Variants in TPST2 observed in about 807,000 individuals in gnomAD.
TPST2 encodes tyrosylprotein sulfotransferase 2.
TPST2 carries 16 observed loss-of-function variants against 27.8 expected under a neutral mutation model. The ratio of observed to expected loss-of-function variants is 0.58; its 90% CI spans 0.39 to 0.88. The LOEUF is 0.88. TPST2 is among the 40% of genes least tolerant of loss of function. TPST2 has a pLI of 0.00. For synonymous variants in TPST2, 229 were observed against 231.7 expected (o/e 0.99, Z 0.10); for missense variants, 464 against 543.1 (o/e 0.85, Z 1.45).
At chr22:26,577,257 C>T (rs1490754140) in intron 1 of TPST2, among the ~76,000 whole-genome samples, 1 of 141,126 alleles carries the variant, frequency 7.1e-6, no homozygotes, top group East Asian at 2.1e-4. Context: ...AGGGCAAAAC[C>T]CTGTCTTTAA....
chr22:26,542,338 G>A (rs527952993), intron 2 of TPST2, among the ~76,000 whole-genome samples: 14 of 151,076 alleles, frequency 9.3e-5, no homozygotes, highest in African/African-American at 2.7e-4. Context: ...CTCTGCCTCA[G>A]CCTCCCAAGT....
intron 1 of TPST2, among the ~76,000 whole-genome samples, chr22:26,570,055 G>T (rs1174267664): frequency 2.1e-5 from 3 of 145,490 alleles, no homozygotes; most frequent in South Asian, 2.2e-4. Flanking sequence ...CAGAAAGAAA[G>T]AAAGAAAGAA....
In TPST2 at chr22:26,540,707, G is replaced by A. The variant is rs893033775; in HGVS notation, c.842+82C>T. On this transcript the variant is annotated intron_variant, in intron 3 of 6. Transcript: ENST00000338754. ...ACTTGCCCAAGGCCACACAGCTCAA[G>A]AAAGGCAGTGCTGATTTTCTTGCCT... 7.4e-6 allele frequency: 10 copies of A among 1,358,212 alleles called. No individual in the cohort carries two copies. The African/African-American group carries it at 1.0e-4, about 14-fold the overall frequency. The allele number at this position is 1,358,212 out of a possible 1,614,324, so 84.1% of individuals were successfully genotyped here. A position where few individuals can be genotyped will look rare whatever the true frequency, so the allele number is the denominator to read the frequency against.
chr22:26,546,009 C>T (rs886338238), intron 1 of TPST2, among the ~76,000 whole-genome samples: 1 of 148,544 alleles, frequency 6.7e-6, no homozygotes, highest in African/African-American at 2.5e-5. Flanking sequence ...CCCAGGAGGT[C>T]GAGGCTGCAG....
At chr22:26,569,227 G>A (rs965126226) in intron 1 of TPST2, among the ~76,000 whole-genome samples, 3 of 152,110 alleles carry the variant, frequency 2.0e-5, no homozygotes, top group African/African-American at 4.8e-5. Flanking sequence ...TCGGGACCCC[G>A]TTCCAGTAAC....
intron 1 of TPST2, among the ~76,000 whole-genome samples, chr22:26,582,353 G>C (rs1022713451): frequency 6.6e-6 from 1 of 152,160 alleles, no homozygotes; most frequent in African/African-American, 2.4e-5. Context: ...CTTGAACCCG[G>C]GAGGCAGAGG....
intron 1 of TPST2, chr22:26,560,618 C>T: frequency 1.6e-6 from 2 of 1,276,038 alleles, no homozygotes; most frequent in Admixed American, 3.4e-5. Flanking sequence ...AGAAGAAGCA[C>T]CCAGATGCTT....
intron 3 of TPST2, among the ~76,000 whole-genome samples, chr22:26,539,376 T>C (rs1177948389): frequency 6.6e-6 from 1 of 152,062 alleles, no homozygotes; most frequent in Non-Finnish European, 1.5e-5. Flanking sequence ...ACAGCAGCTT[T>C]TCCAATGGAA....
chr22:26,558,717 C>T (rs1175819773), intron 1 of TPST2, among the ~76,000 whole-genome samples: 1 of 152,128 alleles, frequency 6.6e-6, no homozygotes, highest in Non-Finnish European at 1.5e-5. Flanking sequence ...GCTTGCCTGG[C>T]AGGGCAGGAA....
intron 1 of TPST2, among the ~76,000 whole-genome samples, chr22:26,586,692 C>G (rs1191141433): frequency 6.6e-6 from 1 of 152,212 alleles, no homozygotes; most frequent in Admixed American, 6.5e-5. Flanking sequence ...AGCAGCTGCC[C>G]AGATGAACCA....
At chr22:26,542,941 G>C (rs1042116894) in intron 2 of TPST2, among the ~76,000 whole-genome samples, 1 of 152,224 alleles carries the variant, frequency 6.6e-6, no homozygotes, top group African/African-American at 2.4e-5. Flanking sequence ...GCCTTCTTAG[G>C]CTATAGCAAG....
At chr22:26,551,287 AAAAC>A (rs374465030) in intron 1 of TPST2, among the ~76,000 whole-genome samples, 68 of 152,276 alleles carry the variant, frequency 4.5e-4, no homozygotes, top group East Asian at 1.7e-3. Context: ...TTCTGCCTAA[AAAAC>A]AAACAAACAA....
chr22:26,581,986 C>A (rs898210486), intron 1 of TPST2, among the ~76,000 whole-genome samples: 3 of 152,176 alleles, frequency 2.0e-5, no homozygotes, highest in African/African-American at 7.2e-5. Context: ...AGGTAGCGGG[C>A]CGGATGTGGC....
intron 1 of TPST2, among the ~76,000 whole-genome samples, chr22:26,568,956 T>C (rs950915581): frequency 4.1e-5 from 6 of 145,856 alleles, no homozygotes; most frequent in Admixed American, 7.1e-5. Flanking sequence ...CTCCGCCTCC[T>C]GGGTTCACGC....
chr22:26,558,276 T>C, intron 1 of TPST2, among the ~76,000 whole-genome samples: 1 of 151,564 alleles, frequency 6.6e-6, no homozygotes. Flanking sequence ...GTAGCTGGGA[T>C]TACAGGCACT....
At chr22:26,532,211 G>A (rs951740314) in intron 5 of TPST2, among the ~76,000 whole-genome samples, 1 of 152,228 alleles carries the variant, frequency 6.6e-6, no homozygotes, top group Non-Finnish European at 1.5e-5. Context: ...AAGGGCCACT[G>A]AGATGTGGCC....
At chr22:26,571,973 C>T (rs751297358) in intron 1 of TPST2, among the ~76,000 whole-genome samples, 2 of 152,168 alleles carry the variant, frequency 1.3e-5, no homozygotes, top group Non-Finnish European at 2.9e-5. Flanking sequence ...ATGTCACCCC[C>T]GCCTTCACTA....
chr22:26,565,339 CCTG>C (rs1222284497), intron 1 of TPST2: 1 of 152,342 alleles, frequency 6.6e-6, no homozygotes, highest in East Asian at 1.9e-4. Context: ...AGGTCTCTCT[CCTG>C]CTGGCTTTTA....
intron 1 of TPST2, among the ~76,000 whole-genome samples, chr22:26,559,777 G>A (rs2147216816): frequency 6.6e-6 from 1 of 152,038 alleles, no homozygotes; most frequent in Middle Eastern, 3.4e-3. Flanking sequence ...TGCTGCCTAG[G>A]GCTCTCCCAG....
Sources: allele counts gnomAD v4.1 joint callset (sites outside exome capture counted in the v4.1 genomes callset), GRCh38; gene constraint gnomAD v4.1.1; transcripts MANE v1.5; gene names NCBI Gene and HGNC (gene_info 2026-07-23, HGNC 2026-07-21).